Variants in PHACTR2 observed in about 807,000 individuals in gnomAD.
The protein encoded by PHACTR2 is chromosome 6 open reading frame 56.
PHACTR2 carries 30 observed loss-of-function variants against 76.0 expected under a neutral mutation model. The observed-to-expected ratio is 0.39, with a 90% CI of 0.30 to 0.54. The LOEUF (loss-of-function observed/expected upper bound fraction) is 0.54, where lower values mean the gene tolerates loss of function less well. Among genes scored for constraint, PHACTR2 ranks in the 20% least tolerant of loss-of-function variants. The pLI is 0.61. For missense variants in PHACTR2, 696 were observed against 781.1 expected, an observed-to-expected ratio of 0.89 and a Z score of 1.30; for synonymous variants, 292 against 292.5, an observed-to-expected ratio of 1.00 and a Z score of 0.02.
rs1776631496 is a variant in PHACTR2 at position 143,830,092 on chromosome 6, C to T, written c.*6403C>T. The T allele has an allele frequency of 1.3e-5, 2 of 152,226 alleles. No individual in the cohort carries two copies. The highest frequency in any genetic ancestry group is 2.1e-4 in the South Asian group (1 of 4,826). 9.4% of individuals were successfully genotyped at this position (152,226 alleles called of 1,614,324 possible). On this transcript the variant is annotated 3_prime_UTR_variant, in exon 13 of 13. Transcript: ENST00000440869. ...AAGTTGCCACTGCAGGGCTAACTCG[C>T]CTTCAGAAATAATCAGAATGATTCA... is the stretch of plus-strand genomic sequence containing the variant.
chr6:143,660,963 G>T (rs529463869), intron 1 of PHACTR2, among the ~76,000 whole-genome samples: 1 of 152,142 alleles, frequency 6.6e-6, no homozygotes, highest in South Asian at 2.1e-4. Flanking sequence ...AAGATGGGAA[G>T]AAAAATAACC....
intron 1 of PHACTR2, among the ~76,000 whole-genome samples, chr6:143,706,648 C>T (rs1397420273): frequency 6.6e-6 from 1 of 152,230 alleles, no homozygotes; most frequent in Non-Finnish European, 1.5e-5. Context: ...TGATGCCACA[C>T]ATTTTGATTC....
chr6:143,703,758 G>A (rs780634135), intron 1 of PHACTR2, among the ~76,000 whole-genome samples: 1 of 152,010 alleles, frequency 6.6e-6, no homozygotes, highest in African/African-American at 2.4e-5. Context: ...ATTTTCTTCT[G>A]AGCCAAGATC....
chr6:143,581,692 A>C lies in PHACTR2; in HGVS notation c.217+44485A>C, dbSNP rs1451795369. 1.3e-5 allele frequency among the ~76,000 whole-genome samples: 2 copies of C among 152,032 alleles called. No individual in the cohort carries two copies. Among genetic ancestry groups the C allele is most frequent in the Non-Finnish European group, 2.9e-5 (2 of 67,996 alleles). On this transcript the variant is annotated intron_variant, in intron 1 of 11. Coordinates refer to the PHACTR2 transcript ENST00000367584. The surrounding 1 kb of genome is among the most constrained non-coding windows in gnomAD (Gnocchi z 4.5). ...CAAAAAATACGAACATTAGCTGGAC[A>C]TGGTGGTGGGTGCCTGTAATCCCAG... is the stretch of plus-strand genomic sequence containing the variant.
chr6:143,572,349 G>A (rs1386646159), intron 1 of PHACTR2, among the ~76,000 whole-genome samples: 1 of 152,098 alleles, frequency 6.6e-6, no homozygotes, highest in East Asian at 1.9e-4. Flanking sequence ...AATATATACA[G>A]CCTCAACACT....
upstream of PHACTR2, among the ~76,000 whole-genome samples, chr6:143,607,378 G>A (rs564887449): frequency 2.0e-5 from 3 of 152,324 alleles, no homozygotes; most frequent in South Asian, 2.1e-4. Context: ...TCCTGACAGC[G>A]TAAGCAGTTT....
At position 143,596,385 on chromosome 6, in the gene PHACTR2, A is replaced by G. The variant is rs1775757001; in HGVS notation, c.217+59178A>G. On this transcript the variant is annotated intron_variant, in intron 1 of 11. Transcript: ENST00000367584. This position sits in a 1 kb window ranked among gnomAD's most constrained non-coding sequence, Gnocchi z 4.6. ...TGTTATTGAGGCTCACATTTACCTGAACTGCATTAAGAGAGAGACACTCTT... is the reference window on the plus strand; with the variant it reads ...TGTTATTGAGGCTCACATTTACCTGGACTGCATTAAGAGAGAGACACTCTT... 6.6e-6 allele frequency among the ~76,000 whole-genome samples: 1 copy of G among 151,992 alleles called. No homozygotes were observed. The highest frequency in any genetic ancestry group is 6.5e-5 in the Admixed American group (1 of 15,274).
At position 143,537,635 on chromosome 6, in the gene PHACTR2, T is replaced by C. The variant is rs546162215; in HGVS notation, c.217+428T>C. Among the ~76,000 whole-genome samples the C allele has an allele frequency of 6.6e-6, 1 of 152,308 alleles. No homozygotes were observed. Among genetic ancestry groups the C allele is most frequent in the African/African-American group, 2.4e-5 (1 of 41,588 alleles). On this transcript the variant is annotated intron_variant, in intron 1 of 11. Coordinates refer to the PHACTR2 transcript ENST00000367584. The surrounding 1 kb of genome is among the most constrained non-coding windows in gnomAD (Gnocchi z 4.4). ...TTGCGGGCTGGGACCAGGGCAGGTC[T>C]TGGGAGGCTTCCCAACTAACTGCTT...
chr6:143,735,640 AG>A (rs1778800528), intron 2 of PHACTR2, among the ~76,000 whole-genome samples: 1 of 151,608 alleles, frequency 6.6e-6, no homozygotes, highest in Non-Finnish European at 1.5e-5. Context: ...AAAAAACTTC[AG>A]ATGAATCAAA....
rs532074937 is a variant in PHACTR2 at position 143,599,687 on chromosome 6, C to A, written c.217+62480C>A. Among the ~76,000 whole-genome samples the A allele has an allele frequency of 4.6e-5, 7 of 152,204 alleles. No individual in the cohort carries two copies. The highest frequency in any genetic ancestry group is 8.8e-5 in the Non-Finnish European group (6 of 68,030). ...TGAGTTGCAAAGGGTGCTTCCCTTG[C>A]TAGCCTATAAGAACAGCTCATTAAG... On this transcript the variant is annotated intron_variant, in intron 1 of 11. Transcript: ENST00000367584. This position sits in a 1 kb window ranked among gnomAD's most constrained non-coding sequence, Gnocchi z 4.6.
intron 1 of PHACTR2, among the ~76,000 whole-genome samples, chr6:143,590,307 C>T (rs1427884205): frequency 6.6e-6 from 1 of 152,076 alleles, no homozygotes; most frequent in Non-Finnish European, 1.5e-5. Flanking sequence ...GGAGGACCCA[C>T]ATTCATAAAA....
At position 143,683,600 on chromosome 6, in the gene PHACTR2, A is replaced by G. The variant is rs2128453838; in HGVS notation, c.46+5391A>G. 6.6e-6 allele frequency among the ~76,000 whole-genome samples: 1 copy of G among 152,290 alleles called. No individual in the cohort carries two copies. The highest frequency in any genetic ancestry group is 6.5e-5 in the Admixed American group (1 of 15,296). On this transcript the variant is annotated intron_variant, in intron 1 of 12. Coordinates refer to ENST00000440869, the MANE Select transcript of PHACTR2 (RefSeq NM_001100164.2). The surrounding 1 kb of genome is among the most constrained non-coding windows in gnomAD (Gnocchi z 4.1). ...AGGATCACACCTATGTTGTGATAGA[A>G]CCTGTATTCATCTGTGTCTCTGGGT...
At position 143,580,794 on chromosome 6, in the gene PHACTR2, A is replaced by G. The variant is rs773697935; in HGVS notation, c.217+43587A>G. On this transcript the variant is annotated intron_variant, in intron 1 of 11. Transcript: ENST00000367584. This position sits in a 1 kb window ranked among gnomAD's most constrained non-coding sequence, Gnocchi z 4.2. ...ATGTCTCTGAAGACAAGAAGGTGAG[A>G]TAATTAAGAGACTTAGGTTTTGGAT... 5.9e-5 allele frequency among the ~76,000 whole-genome samples: 9 copies of G among 152,216 alleles called. No homozygotes were observed. Among genetic ancestry groups the G allele is most frequent in the Non-Finnish European group, 1.3e-4 (9 of 68,028 alleles).
chr6:143,692,374 A>G (rs972211252), intron 1 of PHACTR2, among the ~76,000 whole-genome samples: 1 of 152,228 alleles, frequency 6.6e-6, no homozygotes, highest in Non-Finnish European at 1.5e-5. Context: ...ATAAACCAGA[A>G]CAAGTTAACT....
chr6:143,818,631 A>G lies in PHACTR2; in HGVS notation c.1923-5043A>G, dbSNP rs1382050351. ...AGTTCCATGTGGCTGGGGAGGTCTCAGGAAACCTGCAATCCTGGCAGAAGG... is the reference window on the plus strand; with the variant it reads ...AGTTCCATGTGGCTGGGGAGGTCTCGGGAAACCTGCAATCCTGGCAGAAGG... On this transcript the variant is annotated intron_variant, in intron 12 of 12. Transcript: ENST00000440869. This position sits in a 1 kb window ranked among gnomAD's most constrained non-coding sequence, Gnocchi z 4.9. Among the ~76,000 whole-genome samples, 1 of 152,198 alleles carries G rather than the reference A, an allele frequency of 6.6e-6. No individual in the cohort carries two copies. Among genetic ancestry groups the G allele is most frequent in the African/African-American group, 2.4e-5 (1 of 41,456 alleles).
rs376075306 is a variant in PHACTR2, at chr6:143,679,803, G to T, written c.46+1594G>T. Among the ~76,000 whole-genome samples the T allele has an allele frequency of 3.4e-4, 52 of 152,234 alleles. No homozygotes were observed. Among genetic ancestry groups the T allele is most frequent in the African/African-American group, 1.3e-3 (52 of 41,546 alleles). ...GGATTGCTATAATTCCAAATAAAAT[G>T]ACTGATTATAATGAGAAACTGTAAT... On this transcript the variant is annotated intron_variant, in intron 1 of 12. Transcript: ENST00000440869. This position sits in a 1 kb window ranked among gnomAD's most constrained non-coding sequence, Gnocchi z 4.6.
chr6:143,703,156 T>TA (rs57738495), intron 1 of PHACTR2, among the ~76,000 whole-genome samples: 2,560 of 91,102 alleles, frequency 0.028, 84 homozygotes, highest in African/African-American at 0.086. Flanking sequence ...AAAAAATTAC[T>TA]AAAAAAAAAA....
intron 1 of PHACTR2, among the ~76,000 whole-genome samples, chr6:143,563,365 C>T (rs951864637): frequency 6.7e-6 from 1 of 149,508 alleles, no homozygotes; most frequent in African/African-American, 2.5e-5. Context: ...CAGATCGAGA[C>T]CATCCTTGCG....
Position 143,710,405 on chromosome 6 carries a change from A to G in PHACTR2, c.47-1611A>G, listed in dbSNP as rs753281030. On this transcript the variant is annotated intron_variant, in intron 1 of 12. Transcript: ENST00000440869. This position sits in a 1 kb window ranked among gnomAD's most constrained non-coding sequence, Gnocchi z 4.9. Reference sequence around the variant, plus strand: ...TAGCCAGAGGAATAAGAAAAAGTTAAGTTTGGGCTGCGTGTGGTGGCTCAC... The same window carrying G: ...TAGCCAGAGGAATAAGAAAAAGTTAGGTTTGGGCTGCGTGTGGTGGCTCAC... Among the ~76,000 whole-genome samples the G allele has an allele frequency of 3.3e-5, 5 of 152,164 alleles. No homozygotes were observed. Among genetic ancestry groups the G allele is most frequent in the Non-Finnish European group, 5.9e-5 (4 of 68,030 alleles).
Sources: allele counts gnomAD v4.1 joint callset (sites outside exome capture counted in the v4.1 genomes callset), GRCh38; gene constraint gnomAD v4.1.1; non-coding constraint Gnocchi (gnomAD v3.1); transcripts MANE v1.5; gene names NCBI Gene and HGNC (gene_info 2026-07-23, HGNC 2026-07-21).